The following F13A1 variants were observed in gnomAD, a reference collection of about 807,000 sequenced individuals.
The protein encoded by F13A1 is FSF, A subunit.
Under a neutral mutation model 80.1 loss-of-function variants are expected in F13A1, and 47 were observed. That is an observed-to-expected ratio of 0.59 (90% CI 0.46 to 0.75). The LOEUF is 0.75. Ranked by LOEUF, F13A1 falls within the 30% of genes least tolerant of loss-of-function variation. The pLI, the probability that F13A1 is intolerant of heterozygous loss-of-function variation, is 0.00. For missense variants in F13A1, 817 were observed against 930.4 expected (o/e 0.88, Z 1.59); for synonymous variants, 349 against 344.9 (o/e 1.01, Z -0.13).
At chr6:6,241,619 T>C (rs1757484415) in intron 6 of F13A1, among the ~76,000 whole-genome samples, 1 of 152,174 alleles carries the variant, frequency 6.6e-6, no homozygotes, top group Admixed American at 6.5e-5. Context: ...CAGATGTATC[T>C]ACGACCGTTC....
At chr6:6,313,107 AT>A (rs1363344862) in intron 2 of F13A1, among the ~76,000 whole-genome samples, 1 of 152,148 alleles carries the variant, frequency 6.6e-6, no homozygotes, top group East Asian at 1.9e-4. Flanking sequence ...TCCAGCAAGC[AT>A]TGATGAATCT....
Position 6,174,825 on chromosome 6 carries a change from T to C in F13A1, c.1502A>G (p.Tyr501Cys), listed in dbSNP as rs1760852077. The C allele has an allele frequency of 1.9e-6, 3 of 1,614,208 alleles. No homozygotes were observed. The highest frequency in any genetic ancestry group is 1.1e-5 in the South Asian group (1 of 91,082). ...ERLALETALM[Y>C]GAKKPLNTEG... ...TGTGTTGAGGGGCTTTTTAGCTCCG[T>C]ACATCAGGGCAGTTTCTAGGGCCAA... Residue 501 changes from tyrosine (Y) to cysteine (C), a missense_variant, in exon 12 of 15, where the codon TAC becomes TGC. Tyr to Cys is a radical substitution (Grantham distance 194). Transcript: ENST00000264870.
chr6:6,178,572 C>T (rs777438011), intron 11 of F13A1, among the ~76,000 whole-genome samples: 5 of 151,846 alleles, frequency 3.3e-5, no homozygotes, highest in African/African-American at 7.3e-5. Context: ...GGTAAAGTCC[C>T]GGTGGAGACA....
At chr6:6,305,721 T>C (rs1758504044) in intron 2 of F13A1, 182 bp from the exon 3 acceptor site, 1 of 635,310 alleles carries the variant, frequency 1.6e-6, no homozygotes, top group Non-Finnish European at 2.8e-6. Context: ...GACATTCTTG[T>C]TTTTGAAGAG....
intron 8 of F13A1, among the ~76,000 whole-genome samples, chr6:6,210,734 A>G (rs531292073): frequency 2.7e-5 from 4 of 150,564 alleles, no homozygotes; most frequent in South Asian, 4.2e-4. Context: ...ATTTTTATTT[A>G]TTTATTTTTG....
intron 12 of F13A1, among the ~76,000 whole-genome samples, chr6:6,170,222 C>G (rs1038133175): frequency 6.6e-6 from 1 of 152,200 alleles, no homozygotes; most frequent in Non-Finnish European, 1.5e-5. Flanking sequence ...CTTCTTCTGA[C>G]TATTTCTAGA....
At chr6:6,227,397 G>A (rs550085741) in intron 6 of F13A1, among the ~76,000 whole-genome samples, 61 of 152,334 alleles carry the variant, frequency 4.0e-4, no homozygotes, top group Non-Finnish European at 7.5e-4. Context: ...ACCTTGCTCA[G>A]CTAATTGCAA....
At position 6,305,869 on chromosome 6, in the gene F13A1, C is replaced by T. The variant is rs533397245; in HGVS notation, c.131-330G>A. Among the ~76,000 whole-genome samples the T allele has an allele frequency of 3.3e-5, 5 of 152,264 alleles. No individual in the cohort carries two copies. In the South Asian group the frequency reaches 1.0e-3, roughly 32 times the overall value. ...GTTGAAGTCTTCAGGTTCTCAGTCT[C>T]ACGCTAGTTTTCGTTATGTTAGAAG... is the stretch of plus-strand genomic sequence containing the variant. On this transcript the variant is annotated intron_variant, in intron 2 of 14. Coordinates refer to ENST00000264870, the MANE Select transcript of F13A1 (RefSeq NM_000129.4).
chr6:6,153,328 C>T (rs1032364515), intron 13 of F13A1, among the ~76,000 whole-genome samples: 1 of 152,146 alleles, frequency 6.6e-6, no homozygotes, highest in African/African-American at 2.4e-5. Flanking sequence ...ATGCTACAGT[C>T]AAGAATAAAA....
intron 4 of F13A1, among the ~76,000 whole-genome samples, chr6:6,259,896 A>C (rs969585372): frequency 2.0e-5 from 3 of 152,240 alleles, no homozygotes; most frequent in African/African-American, 4.8e-5. Flanking sequence ...TACTAGGCAC[A>C]GATATCAGAA....
chr6:6,156,386 G>A lies in F13A1; in HGVS notation c.1909-4437C>T, dbSNP rs561674392. Among the ~76,000 whole-genome samples the A allele has an allele frequency of 2.7e-3, 409 of 152,248 alleles. 3 individuals carry two copies. The highest frequency in any genetic ancestry group is 9.5e-3 in the African/African-American group (395 of 41,546). On this transcript the variant is annotated intron_variant, in intron 13 of 14. Transcript: ENST00000264870. ...ACAAGATATCTTCCACTAAGCATAT[G>A]CTTTAAAAATACATAACTGTATTCA... is the stretch of plus-strand genomic sequence containing the variant.
chr6:6,319,016 C>T (rs539238880), intron 1 of F13A1, among the ~76,000 whole-genome samples: 2 of 152,308 alleles, frequency 1.3e-5, no homozygotes, highest in East Asian at 1.9e-4. Flanking sequence ...GCAGCATCTT[C>T]GCAAGAAATG....
chr6:6,145,681 C>G lies in F13A1; in HGVS notation c.2137G>C (p.Asp713His). 1 of 1,614,182 alleles carries G rather than the reference C, an allele frequency of 6.2e-7. No homozygotes were observed. The highest frequency in any genetic ancestry group is 8.5e-7 in the Non-Finnish European group (1 of 1,180,024). The change falls in exon 15 of 15, where the codon GAC (aspartate) becomes CAC (histidine). Residue 713 changes from aspartate to histidine, a missense_variant. Asp to His is a moderately conservative substitution (Grantham distance 81, BLOSUM62 -1). Coordinates refer to ENST00000264870, the MANE Select transcript of F13A1 (RefSeq NM_000129.4). ...HRKLIASMSS[D>H]SLRHVYGELD... ...TCGCCATACACATGTCTCAGGGAGT[C>G]ACTGCTCATGCTGGCTATCAGCTTC...
chr6:6,313,280 CT>C (rs5874027), intron 2 of F13A1, among the ~76,000 whole-genome samples: 85,790 of 126,796 alleles, frequency 0.68, 28,905 homozygotes, highest in East Asian at 0.83. Flanking sequence ...GCTAAGCCGC[CT>C]TTTTTTTTTT....
intron 10 of F13A1, among the ~76,000 whole-genome samples, chr6:6,189,842 C>G (rs1761152270): frequency 6.6e-6 from 1 of 151,978 alleles, no homozygotes; most frequent in African/African-American, 2.4e-5. Flanking sequence ...TCCATTCTCC[C>G]CATCACTTTC....
At position 6,250,700 on chromosome 6, in the gene F13A1, G is replaced by T; in HGVS notation, c.690+111C>A. On this transcript the variant is annotated intron_variant, in intron 5 of 14. Coordinates refer to ENST00000264870, the MANE Select transcript of F13A1 (RefSeq NM_000129.4). This position sits in a 1 kb window ranked among gnomAD's most constrained non-coding sequence, Gnocchi z 4.2. Reference sequence around the variant, plus strand: ...GCCTTGGAGTCTCAGATCCTAAAAAGCAGGAAATTGTGCTTGTCTAATATC... The same window carrying T: ...GCCTTGGAGTCTCAGATCCTAAAAATCAGGAAATTGTGCTTGTCTAATATC... 1 of 774,748 alleles carries T rather than the reference G, an allele frequency of 1.3e-6. No individual in the cohort carries two copies. The highest frequency in any genetic ancestry group is 2.3e-6 in the Non-Finnish European group (1 of 438,824). The allele number at this position is 774,748 out of a possible 1,614,324, so 48.0% of individuals were successfully genotyped here. A position where few individuals can be genotyped will look rare whatever the true frequency, so the allele number is the denominator to read the frequency against.
At chr6:6,221,224 T>C (rs1216424990) in intron 8 of F13A1, among the ~76,000 whole-genome samples, 1 of 152,140 alleles carries the variant, frequency 6.6e-6, no homozygotes, top group African/African-American at 2.4e-5. Context: ...TTCTTCTTAG[T>C]GTATTGATTT....
chr6:6,161,818 G>A (rs1044290950), intron 13 of F13A1, among the ~76,000 whole-genome samples: 1 of 152,124 alleles, frequency 6.6e-6, no homozygotes, highest in African/African-American at 2.4e-5. Flanking sequence ...TATCACCACA[G>A]GGACCAGTAA....
intron 2 of F13A1, among the ~76,000 whole-genome samples, chr6:6,312,736 A>T (rs920798655): frequency 4.3e-5 from 3 of 69,104 alleles, no homozygotes; most frequent in South Asian, 3.8e-4. Flanking sequence ...GACATTTCAT[A>T]AAAAATAAAA....
Sources: gnomAD v4.1 joint callset for allele counts (sites outside exome capture counted in the v4.1 genomes callset) on GRCh38, gnomAD v4.1.1 for gene constraint, Gnocchi (gnomAD v3.1) non-coding constraint, MANE v1.5 for transcripts, NCBI Gene and HGNC (gene_info 2026-07-23, HGNC 2026-07-21) for gene names.